The following MAST2 variants were observed in gnomAD, a reference collection of about 807,000 sequenced individuals.
MAST2 encodes the protein microtubule-associated serine/threonine-protein kinase 2.
A neutral mutation model predicts 147.4 loss-of-function variants in MAST2; 70 were observed. That is an observed-to-expected ratio of 0.47 (90% CI 0.39 to 0.58). The LOEUF (loss-of-function observed/expected upper bound fraction) is 0.58. Ranked by LOEUF, MAST2 falls within the 20% of genes least tolerant of loss-of-function variation. The probability of loss-of-function intolerance (pLI) is 0.00; values close to 1 mark genes in which losing one functional copy is unlikely to be tolerated. For missense variants in MAST2, 2,080 were observed against 2,302.3 expected, an observed-to-expected ratio of 0.90 and a Z score of 1.98; for synonymous variants, 869 against 896.8, an observed-to-expected ratio of 0.97 and a Z score of 0.55.
intron 5 of MAST2, among the ~76,000 whole-genome samples, chr1:45,972,256 A>C (rs1184283237): frequency 3.9e-5 from 6 of 152,242 alleles, no homozygotes; most frequent in African/African-American, 1.4e-4. Flanking sequence ...ACAAGATCAG[A>C]GTCTGTGATG....
intron 3 of MAST2, among the ~76,000 whole-genome samples, chr1:45,850,274 TG>T (rs2147983000): frequency 6.6e-6 from 1 of 152,320 alleles, no homozygotes; most frequent in African/African-American, 2.4e-5. Context: ...TCATGTCTTT[TG>T]CCCATTTTGT....
At chr1:45,816,003 A>G (rs2148662704) in intron 1 of MAST2, among the ~76,000 whole-genome samples, 1 of 152,304 alleles carries the variant, frequency 6.6e-6, no homozygotes, top group East Asian at 1.9e-4. Flanking sequence ...AAATCCATTT[A>G]TTTTGGTTAT....
At chr1:45,894,990 G>T (rs1476320123) in intron 4 of MAST2, among the ~76,000 whole-genome samples, 1 of 152,280 alleles carries the variant, frequency 6.6e-6, no homozygotes, top group Non-Finnish European at 1.5e-5. Flanking sequence ...ATATACCCAT[G>T]TAACTACAAC....
At chr1:46,024,238 T>G in intron 15 of MAST2, 1 of 465,496 alleles carries the variant, frequency 2.1e-6, no homozygotes, top group Non-Finnish European at 4.0e-6. Flanking sequence ...CCCCAAAGCC[T>G]GCACGCTCTC....
chr1:46,030,542 G>A, intron 21 of MAST2, 65 bp from the exon 22 acceptor site: 1 of 1,523,904 alleles, frequency 6.6e-7, no homozygotes, highest in East Asian at 2.4e-5. Flanking sequence ...TGCCAAGGAT[G>A]CTTTATGCCA....
chr1:45,886,107 A>T (rs922618442), intron 4 of MAST2, among the ~76,000 whole-genome samples: 1 of 151,890 alleles, frequency 6.6e-6, no homozygotes, highest in Non-Finnish European at 1.5e-5. Context: ...CTACAGAAAA[A>T]TTTTAAAAAT....
chr1:46,026,846 C>A (rs1646434492), intron 16 of MAST2, among the ~76,000 whole-genome samples: 1 of 152,152 alleles, frequency 6.6e-6, no homozygotes, highest in African/African-American at 2.4e-5. Context: ...GGCCACTCTT[C>A]TGCTTATTAA....
At chr1:46,008,411 G>C (rs371202717) in intron 9 of MAST2, 40 bp downstream of exon 9, 1 of 1,445,642 alleles carries the variant, frequency 6.9e-7, no homozygotes, top group Non-Finnish European at 9.7e-7. Context: ...ATACCCCTCC[G>C]GGTGGCTGCC....
Position 46,035,408 on chromosome 1 carries a change from A to T in MAST2, c.4739A>T (p.His1580Leu). 1 of 1,612,524 alleles carries T rather than the reference A, an allele frequency of 6.2e-7. No individual in the cohort carries two copies. The highest frequency in any genetic ancestry group is 1.1e-5 in the South Asian group (1 of 90,962). Reference protein sequence around the residue: ...PPRMESPSGPHRRLGSPQAIE... With the variant: ...PPRMESPSGPLRRLGSPQAIE... The stretch of plus-strand genomic sequence containing the variant: ...AGAATGGAAAGTCCCAGTGGTCCCC[A>T]CAGGAGGCTCGGGAGCCCACAAGCC... Residue 1580 changes from histidine to leucine, a missense_variant, in exon 29 of 29, where the codon CAC becomes CTC. Around this residue, in one of 4 missense-constraint regions of MAST2, gnomAD observed 1,278 missense variants for 1,304.2 expected, o/e 0.98. Coordinates refer to ENST00000361297, the MANE Select transcript of MAST2 (RefSeq NM_015112.3). This position sits in a 1 kb window ranked among gnomAD's most constrained non-coding sequence, Gnocchi z 5.5.
intron 1 of MAST2, among the ~76,000 whole-genome samples, chr1:45,809,267 C>T (rs1469550841): frequency 6.6e-6 from 1 of 152,158 alleles, no homozygotes; most frequent in African/African-American, 2.4e-5. Context: ...TTTAATTAGT[C>T]ATCAGTTTGA....
chr1:45,882,338 T>G (rs762747202), intron 3 of MAST2, 26 bp from the exon 4 acceptor site: 18 of 1,599,218 alleles, frequency 1.1e-5, no homozygotes, highest in Non-Finnish European at 1.5e-5. Context: ...TTCTTATTTC[T>G]AACTTGCATA....
intron 3 of MAST2, among the ~76,000 whole-genome samples, chr1:45,864,315 G>C (rs1403211927): frequency 2.0e-5 from 3 of 152,194 alleles, no homozygotes; most frequent in Non-Finnish European, 4.4e-5. Context: ...TCCATGCTCA[G>C]AACTCACAAC....
At position 46,031,252 on chromosome 1, in the gene MAST2, A is replaced by G; in HGVS notation, c.2954A>G (p.Asp985Gly). Residue 985 changes from aspartate (D) to glycine (G), a missense_variant, in exon 23 of 29, where the codon GAT becomes GGT. This residue lies in a region of MAST2 where 1,278 missense variants were observed against 1,304.2 expected (regional missense o/e 0.98). Coordinates refer to ENST00000361297, the MANE Select transcript of MAST2 (RefSeq NM_015112.3). The surrounding 1 kb of genome is among the most constrained non-coding windows in gnomAD (Gnocchi z 4.1). Reference protein sequence around the residue: ...EHSGEQRPKLDEEAVGRSSGS... With the variant: ...EHSGEQRPKLGEEAVGRSSGS... Reference sequence around the variant, plus strand: ...TCAGGGGAGCAGCGGCCAAAGCTGGATGAGGAAGCTGTTGGCCGGAGCAGT... The same window carrying G: ...TCAGGGGAGCAGCGGCCAAAGCTGGGTGAGGAAGCTGTTGGCCGGAGCAGT... 1 of 1,536,514 alleles carries G rather than the reference A, an allele frequency of 6.5e-7. No individual in the cohort carries two copies.
At chr1:45,939,357 C>T (rs1294266787) in intron 4 of MAST2, among the ~76,000 whole-genome samples, 1 of 152,160 alleles carries the variant, frequency 6.6e-6, no homozygotes, top group Middle Eastern at 3.2e-3. Context: ...CTCTTGCCTT[C>T]CATTAATCTA....
rs899387200 is a variant in MAST2, at chr1:46,023,619, C to T, written c.1572-153C>T. ...TCAAGAAGTTTAAGAGTTCTATGGA[C>T]CAGGGGGTCCCAGACCCTTCTCACT... On this transcript the variant is annotated intron_variant, in intron 14 of 28. Coordinates refer to ENST00000361297, the MANE Select transcript of MAST2 (RefSeq NM_015112.3). The surrounding 1 kb of genome is among the most constrained non-coding windows in gnomAD (Gnocchi z 4.9). 2.9e-6 allele frequency: 2 copies of T among 688,264 alleles called. No homozygotes were observed. The highest frequency in any genetic ancestry group is 2.7e-5 in the Admixed American group (1 of 36,492). The allele number at this position is 688,264 out of a possible 1,614,324, so 42.6% of individuals were successfully genotyped here.
intron 4 of MAST2, among the ~76,000 whole-genome samples, chr1:45,926,612 T>C (rs1460104936): frequency 6.6e-6 from 1 of 152,190 alleles, no homozygotes; most frequent in East Asian, 1.9e-4. Flanking sequence ...TAAAAGACCA[T>C]TTTTTGGCAA....
chr1:45,860,348 C>T (rs966648551), intron 3 of MAST2, among the ~76,000 whole-genome samples: 13 of 147,226 alleles, frequency 8.8e-5, no homozygotes, highest in African/African-American at 3.3e-4. Flanking sequence ...CATGCCACTG[C>T]ACTCCAGCCT....
intron 3 of MAST2, among the ~76,000 whole-genome samples, chr1:45,877,407 G>A (rs1192263905): frequency 6.6e-6 from 1 of 152,022 alleles, no homozygotes; most frequent in Non-Finnish European, 1.5e-5. Context: ...CCTTATGAAG[G>A]CCTTAATCCC....
At chr1:45,952,205 A>G (rs777211111) in intron 4 of MAST2, among the ~76,000 whole-genome samples, 4 of 152,250 alleles carry the variant, frequency 2.6e-5, no homozygotes, top group South Asian at 2.1e-4. Context: ...AGGATTAACA[A>G]TTGTGGCATG....
Sources: allele counts gnomAD v4.1 joint callset (sites outside exome capture counted in the v4.1 genomes callset), GRCh38; gene constraint gnomAD v4.1.1; regional missense constraint gnomAD v4.1.1; non-coding constraint Gnocchi (gnomAD v3.1); transcripts MANE v1.5; gene names NCBI Gene and HGNC (gene_info 2026-07-23, HGNC 2026-07-21).